NKAIN3: variants seen among roughly 807,000 people sequenced by gnomAD.
NKAIN3 encodes sodium/potassium-transporting ATPase subunit beta-1-interacting protein 3.
NKAIN3 carries 25 observed loss-of-function variants against 30.2 expected under a neutral mutation model. That is an observed-to-expected ratio of 0.83 (90% confidence interval 0.60 to 1.16). The LOEUF is 1.16. Ranked by LOEUF, NKAIN3 falls within the 50% of genes most tolerant of loss-of-function variation. The probability of loss-of-function intolerance (pLI) is 0.00; values close to 1 mark genes in which losing one functional copy is unlikely to be tolerated. For missense variants in NKAIN3, 225 were observed against 254.1 expected, an observed-to-expected ratio of 0.89 and a Z score of 0.78; for synonymous variants, 91 against 89.6, an observed-to-expected ratio of 1.02 and a Z score of -0.09.
At position 62,558,810 on chromosome 8, in the gene NKAIN3, C is replaced by T. The variant is rs574069976; in HGVS notation, c.55-20729C>T. Among the ~76,000 whole-genome samples the T allele has an allele frequency of 7.2e-5, 11 of 152,062 alleles. No homozygotes were observed. The South Asian group carries it at 2.1e-3, about 29-fold the overall frequency. The stretch of plus-strand genomic sequence containing the variant: ...GAACTTTTTCTTTTTCTAATATATG[C>T]ATTAATTTTATCCTTTAAATTTCCC... On this transcript the variant is annotated intron_variant, in intron 1 of 6. Coordinates refer to ENST00000623646, the MANE Select transcript of NKAIN3 (RefSeq NM_001304533.3).
At chr8:62,870,665 A>G (rs900859164) in intron 4 of NKAIN3, among the ~76,000 whole-genome samples, 2 of 136,660 alleles carry the variant, frequency 1.5e-5, no homozygotes, top group Non-Finnish European at 3.0e-5. Context: ...CTAGATATAT[A>G]TAGATATCTA....
At chr8:62,467,101 C>T (rs1285101843) in intron 1 of NKAIN3, among the ~76,000 whole-genome samples, 2 of 152,130 alleles carry the variant, frequency 1.3e-5, no homozygotes, top group East Asian at 3.9e-4. Flanking sequence ...AGCACAGGAG[C>T]TTCATTTTTA....
chr8:62,735,600 C>A (rs1266500782), intron 3 of NKAIN3, among the ~76,000 whole-genome samples: 1 of 152,066 alleles, frequency 6.6e-6, no homozygotes, highest in East Asian at 1.9e-4. Flanking sequence ...TTTGGTGCCT[C>A]GTTAAGTACC....
At chr8:62,366,393 A>C (rs562280540) in intron 1 of NKAIN3, among the ~76,000 whole-genome samples, 7 of 151,966 alleles carry the variant, frequency 4.6e-5, no homozygotes, top group African/African-American at 1.4e-4. Flanking sequence ...TAGTTGATTA[A>C]TTTTTGTATT....
At chr8:62,861,299 A>G (rs1040586150) in intron 4 of NKAIN3, among the ~76,000 whole-genome samples, 2 of 152,210 alleles carry the variant, frequency 1.3e-5, no homozygotes, top group African/African-American at 4.8e-5. Context: ...AGCTGGGTGA[A>G]AACACCATGA....
intron 3 of NKAIN3, among the ~76,000 whole-genome samples, chr8:62,661,336 C>T (rs1192103415): frequency 6.6e-6 from 1 of 152,152 alleles, no homozygotes; most frequent in African/African-American, 2.4e-5. Flanking sequence ...CCTCCTGAAA[C>T]TTCTCTTCTC....
At chr8:62,856,362 T>G (rs1656214518) in intron 4 of NKAIN3, 3 of 859,576 alleles carry the variant, frequency 3.5e-6, no homozygotes, top group South Asian at 2.6e-5. Context: ...CCTGGTCTCC[T>G]TGGAGTGAAC....
chr8:62,830,689 C>T (rs1819169490), intron 4 of NKAIN3, among the ~76,000 whole-genome samples: 1 of 152,192 alleles, frequency 6.6e-6, no homozygotes, highest in Admixed American at 6.5e-5. Flanking sequence ...GCCTGAGCTG[C>T]CCAACCCTTC....
Position 62,924,819 on chromosome 8 carries a change from GC to G in NKAIN3, c.532+6309del, listed in dbSNP as rs577740466. Among the ~76,000 whole-genome samples, 22 of 152,284 alleles carry G rather than the reference GC, an allele frequency of 1.4e-4. No individual in the cohort carries two copies. In the South Asian group the frequency reaches 4.4e-3, roughly 30 times the overall value. ...CCAGCAGACTTGGTGTCTGGTGAGG[GC>G]CCACTTCTCTCTTCATAAATGACTG... On this transcript the variant is annotated intron_variant, in intron 5 of 6. Transcript: ENST00000623646.
chr8:62,299,860 A>G (rs991810306), intron 1 of NKAIN3, among the ~76,000 whole-genome samples: 8 of 152,160 alleles, frequency 5.3e-5, no homozygotes, highest in African/African-American at 1.4e-4. Context: ...AAAAGAACAC[A>G]GTATTTTGTT....
intron 1 of NKAIN3, among the ~76,000 whole-genome samples, chr8:62,344,569 G>A (rs1815865127): frequency 6.6e-6 from 1 of 152,068 alleles, no homozygotes. Context: ...AATAGTGTAT[G>A]TAGAAAAGCA....
chr8:62,360,188 A>G (rs1344205065), intron 1 of NKAIN3, among the ~76,000 whole-genome samples: 2 of 152,364 alleles, frequency 1.3e-5, no homozygotes, highest in Admixed American at 1.3e-4. Context: ...ATTAGTGGTC[A>G]TCCCTGGTTC....
At chr8:62,683,049 T>G (rs1381087731) in intron 3 of NKAIN3, among the ~76,000 whole-genome samples, 1 of 151,404 alleles carries the variant, frequency 6.6e-6, no homozygotes, top group African/African-American at 2.5e-5. Flanking sequence ...TTGTTTGTTT[T>G]TTGAGACAGA....
At chr8:62,335,903 T>C (rs1162776469) in intron 1 of NKAIN3, among the ~76,000 whole-genome samples, 2 of 152,036 alleles carry the variant, frequency 1.3e-5, no homozygotes, top group Admixed American at 6.6e-5. Flanking sequence ...TGCTGGAACT[T>C]AGGGCATTCT....
intron 6 of NKAIN3, among the ~76,000 whole-genome samples, chr8:62,958,093 C>T (rs754127269): frequency 6.6e-6 from 1 of 152,154 alleles, no homozygotes; most frequent in Non-Finnish European, 1.5e-5. Flanking sequence ...AGCATGGAGG[C>T]TGATTGGCTT....
chr8:62,372,950 C>G (rs1816954984), intron 1 of NKAIN3, among the ~76,000 whole-genome samples: 1 of 152,166 alleles, frequency 6.6e-6, no homozygotes, highest in Non-Finnish European at 1.5e-5. Context: ...CTTACACCTA[C>G]CAGCAGGACA....
chr8:62,322,257 C>CGT (rs1814953378), intron 1 of NKAIN3, among the ~76,000 whole-genome samples: 1 of 152,164 alleles, frequency 6.6e-6, no homozygotes, highest in Non-Finnish European at 1.5e-5. Context: ...AAGGGAATTC[C>CGT]GTGACCCTTT....
chr8:62,856,714 C>G, intron 4 of NKAIN3: 1 of 724,534 alleles, frequency 1.4e-6, no homozygotes, highest in South Asian at 1.5e-5. Flanking sequence ...CGTTTTTGTT[C>G]CTGCTGCCCC....
At position 62,504,228 on chromosome 8, in the gene NKAIN3, C is replaced by A. The variant is rs191162078; in HGVS notation, c.55-75311C>A. ...CAGTTTCATCCTGAAACTGTCCCCC[C>A]ACCACCAGTCTGTGGAAAAATTGTC... On this transcript the variant is annotated intron_variant, in intron 1 of 6. Coordinates refer to ENST00000623646, the MANE Select transcript of NKAIN3 (RefSeq NM_001304533.3). Among the ~76,000 whole-genome samples, 403 of 152,218 alleles carry A rather than the reference C, an allele frequency of 2.6e-3. 6 individuals carry two copies. Among genetic ancestry groups the A allele is most frequent in the South Asian group, 2.3e-3 (11 of 4,810 alleles).
Sources: gnomAD v4.1 joint callset for allele counts (sites outside exome capture counted in the v4.1 genomes callset) on GRCh38, gnomAD v4.1.1 for gene constraint, MANE v1.5 for transcripts, NCBI Gene and HGNC (gene_info 2026-07-23, HGNC 2026-07-21) for gene names.